Variants in LOC128125817 observed in about 807,000 individuals in gnomAD.
At chr1:41,590,448 T>C in the LOC128125817 span, among the ~76,000 whole-genome samples, 1 of 152,146 alleles carries the variant, frequency 6.6e-6, no homozygotes, top group South Asian at 2.1e-4. Flanking sequence ...GAAAAGTGCT[T>C]GCCCTCCACC....
At chr1:41,591,906 G>A in the LOC128125817 span, among the ~76,000 whole-genome samples, 1 of 152,122 alleles carries the variant, frequency 6.6e-6, no homozygotes, top group African/African-American at 2.4e-5. Context: ...AGCGGGCTGG[G>A]AAGTCTTCAA....
the LOC128125817 span, among the ~76,000 whole-genome samples, chr1:41,609,521 C>T: frequency 4.1e-4 from 63 of 152,072 alleles, 2 homozygotes; most frequent in East Asian, 0.01. Flanking sequence ...TGAGATTCAG[C>T]GAGCTATCTA....
the LOC128125817 span, among the ~76,000 whole-genome samples, chr1:41,599,808 C>T: frequency 4.6e-5 from 7 of 152,082 alleles, no homozygotes; most frequent in Non-Finnish European, 1.0e-4. Flanking sequence ...TGAGAGAAAA[C>T]GCTTGCAAAT....
At chr1:41,613,551 A>G in the LOC128125817 span, among the ~76,000 whole-genome samples, 10 of 152,242 alleles carry the variant, frequency 6.6e-5, no homozygotes, top group Non-Finnish European at 1.3e-4. Flanking sequence ...AGCTTCAGTT[A>G]ATAGTTTGCA....
At chr1:41,619,853 G>A in the LOC128125817 span, among the ~76,000 whole-genome samples, 1 of 152,196 alleles carries the variant, frequency 6.6e-6, no homozygotes, top group African/African-American at 2.4e-5. Flanking sequence ...GAAATTCGCA[G>A]AGGTAGCCCC....
At chr1:41,625,948 T>A in the LOC128125817 span, among the ~76,000 whole-genome samples, 8 of 152,264 alleles carry the variant, frequency 5.3e-5, no homozygotes, top group Non-Finnish European at 1.5e-5. Context: ...AAATAGCTTC[T>A]AAGACTATAA....
chr1:41,610,099 C>G, the LOC128125817 span, among the ~76,000 whole-genome samples: 1 of 152,210 alleles, frequency 6.6e-6, no homozygotes, highest in Admixed American at 6.5e-5. Context: ...CTGGCCCATC[C>G]TGCAGATTTT....
the LOC128125817 span, among the ~76,000 whole-genome samples, chr1:41,588,073 G>A: frequency 6.6e-6 from 1 of 152,186 alleles, no homozygotes; most frequent in Non-Finnish European, 1.5e-5. Flanking sequence ...CTTACCCCAG[G>A]TCTTGCTTAC....
the LOC128125817 span, among the ~76,000 whole-genome samples, chr1:41,609,310 G>A: frequency 1.3e-5 from 2 of 152,232 alleles, no homozygotes; most frequent in Admixed American, 6.5e-5. Flanking sequence ...GGCCCCCACC[G>A]ATGCACAATG....
chr1:41,624,515 T>G, the LOC128125817 span, among the ~76,000 whole-genome samples: 3 of 152,224 alleles, frequency 2.0e-5, no homozygotes, highest in South Asian at 6.2e-4. Flanking sequence ...TATCTTCAGT[T>G]AGGAAGAGTG....
the LOC128125817 span, among the ~76,000 whole-genome samples, chr1:41,587,478 T>C: frequency 6.6e-6 from 1 of 152,130 alleles, no homozygotes; most frequent in Admixed American, 6.5e-5. Context: ...CTAACAGTCA[T>C]CGAGGAACAA....
the LOC128125817 span, among the ~76,000 whole-genome samples, chr1:41,623,540 C>T: frequency 6.6e-6 from 1 of 152,228 alleles, no homozygotes; most frequent in Admixed American, 6.5e-5. Context: ...TTTCTATCCC[C>T]TTGAGGCTTC....
chr1:41,592,620 G>T, the LOC128125817 span, among the ~76,000 whole-genome samples: 1 of 152,266 alleles, frequency 6.6e-6, no homozygotes, highest in South Asian at 2.1e-4. Flanking sequence ...GCAAGGTCAG[G>T]CCCACCTACT....
At chr1:41,615,271 A>G in the LOC128125817 span, among the ~76,000 whole-genome samples, 2 of 152,220 alleles carry the variant, frequency 1.3e-5, no homozygotes, top group African/African-American at 4.8e-5. Flanking sequence ...AACTTCCAGC[A>G]TGTTCTCCCA....
the LOC128125817 span, among the ~76,000 whole-genome samples, chr1:41,614,207 C>T: frequency 3.9e-5 from 6 of 152,214 alleles, no homozygotes; most frequent in South Asian, 2.1e-4. Flanking sequence ...GCACATGGGA[C>T]GGCACTCAAT....
At chr1:41,597,805 G>C in the LOC128125817 span, among the ~76,000 whole-genome samples, 5 of 152,090 alleles carry the variant, frequency 3.3e-5, no homozygotes, top group African/African-American at 7.2e-5. Context: ...GAAAAGTATC[G>C]ACAGTGTTTA....
At chr1:41,613,699 T>C in the LOC128125817 span, among the ~76,000 whole-genome samples, 1 of 152,224 alleles carries the variant, frequency 6.6e-6, no homozygotes, top group Non-Finnish European at 1.5e-5. Context: ...AATATTGAGA[T>C]ACAATTCACA....
At chr1:41,618,576 CT>C in the LOC128125817 span, among the ~76,000 whole-genome samples, 132 of 152,288 alleles carry the variant, frequency 8.7e-4, no homozygotes, top group African/African-American at 3.1e-3. Flanking sequence ...CTGGGTGCCC[CT>C]GTCCCGTTCT....
chr1:41,620,699 T>C, the LOC128125817 span, among the ~76,000 whole-genome samples: 2 of 152,176 alleles, frequency 1.3e-5, no homozygotes, highest in Non-Finnish European at 2.9e-5. Flanking sequence ...TTCACCCCTC[T>C]GTCTCTGGTA....
Sources: allele counts gnomAD v4.1 joint callset (sites outside exome capture counted in the v4.1 genomes callset), GRCh38; gene constraint gnomAD v4.1.1; transcripts MANE v1.5.